The following TEK variants were observed in gnomAD, a reference collection of about 807,000 sequenced individuals.
TEK encodes the protein TEK receptor tyrosine kinase, also known as angiopoietin-1 receptor.
A neutral mutation model predicts 131.8 loss-of-function variants in TEK; 43 were observed. The observed-to-expected ratio is 0.33, with a 90% CI of 0.26 to 0.42. The LOEUF (loss-of-function observed/expected upper bound fraction) is 0.42, where lower values mean the gene tolerates loss of function less well. TEK is among the 10% of genes least tolerant of loss of function. TEK has a pLI of 1.00. For synonymous variants in TEK, 580 were observed against 491.6 expected, an observed-to-expected ratio of 1.18 and a Z score of -2.38; for missense variants, 1,162 against 1,384.4, an observed-to-expected ratio of 0.84 and a Z score of 2.55.
At chr9:27,220,443 C>CGTGTTG (rs1826015956) in intron 21 of TEK, among the ~76,000 whole-genome samples, 1 of 151,628 alleles carries the variant, frequency 6.6e-6, no homozygotes, top group African/African-American at 2.4e-5. Context: ...ACATACAACA[C>CGTGTTG]TATCCTTGGG....
intron 12 of TEK, among the ~76,000 whole-genome samples, chr9:27,198,804 G>A (rs1487360919): frequency 6.6e-6 from 1 of 152,152 alleles, no homozygotes; most frequent in Admixed American, 6.5e-5. Flanking sequence ...AATGTTGTAT[G>A]TATATATTTT....
At chr9:27,213,344 T>C in intron 17 of TEK, 140 bp from the exon 18 acceptor site, 1 of 647,388 alleles carries the variant, frequency 1.5e-6, no homozygotes, top group Non-Finnish European at 2.8e-6. Flanking sequence ...CAGGGAATTT[T>C]GGAGGGGAAC....
chr9:27,218,130 T>TTTGGGG (rs9298888), intron 19 of TEK, among the ~76,000 whole-genome samples: 26 of 139,508 alleles, frequency 1.9e-4, no homozygotes, highest in Non-Finnish European at 3.4e-4. Flanking sequence ...GGCCAGACAG[T>TTTGGGG]GGCGGGGGTC....
chr9:27,190,654 C>T lies in TEK; in HGVS notation c.1453C>T (p.Pro485Ser), dbSNP rs1217201158. The T allele has an allele frequency of 3.7e-6, 6 of 1,613,890 alleles. No homozygotes were observed. In the African/African-American group the frequency reaches 4.0e-5, roughly 11 times the overall value. The change falls in exon 10 of 23, where the codon CCC becomes TCC. Residue 485 changes from proline (P) to serine (S), a missense_variant. Physicochemically the swap from Pro to Ser is moderately conservative, Grantham distance 74. This residue lies in a region of TEK where 477 missense variants were observed against 471.0 expected (regional missense o/e 1.01). Coordinates refer to ENST00000380036, the MANE Select transcript of TEK (RefSeq NM_000459.5). ...PIKSKKLLYK[P>S]VNHYEAWQHI... ...CAAATCCAAGAAGCTTCTATACAAACCCGTTAATCACTATGAGGCTTGGCA... is the reference window on the plus strand; with the variant it reads ...CAAATCCAAGAAGCTTCTATACAAATCCGTTAATCACTATGAGGCTTGGCA...
chr9:27,180,048 C>T (rs1398208393), intron 6 of TEK, among the ~76,000 whole-genome samples, 192 bp from the exon 7 acceptor site: 1 of 152,106 alleles, frequency 6.6e-6, no homozygotes, highest in African/African-American at 2.4e-5. Context: ...ATGATAGGAG[C>T]TCATTCAACT....
chr9:27,217,483 C>T (rs959756501), intron 18 of TEK, among the ~76,000 whole-genome samples: 8 of 150,974 alleles, frequency 5.3e-5, no homozygotes, highest in Non-Finnish European at 1.0e-4. Context: ...ATTCATATAA[C>T]GCTGCTGGAC....
At chr9:27,148,380 A>C (rs1338522941) in intron 1 of TEK, among the ~76,000 whole-genome samples, 1 of 152,264 alleles carries the variant, frequency 6.6e-6, no homozygotes, top group South Asian at 2.1e-4. Context: ...GTAACAAGGC[A>C]TCCAAAACAT....
intron 21 of TEK, among the ~76,000 whole-genome samples, chr9:27,220,982 G>C (rs1281884089): frequency 6.6e-6 from 1 of 152,224 alleles, no homozygotes; most frequent in Admixed American, 6.5e-5. Flanking sequence ...AAGTGGTCTA[G>C]CTCAGTGGAG....
intron 1 of TEK, among the ~76,000 whole-genome samples, chr9:27,130,777 A>T (rs759773530): frequency 6.6e-6 from 1 of 152,048 alleles, no homozygotes; most frequent in Non-Finnish European, 1.5e-5. Flanking sequence ...GGATTTCAAC[A>T]TGTTGATCAG....
rs775381887 is a variant in TEK at position 27,202,987 on chromosome 9, A to G, written c.2077A>G (p.Thr693Ala). 2 of 1,614,024 alleles carry G rather than the reference A, an allele frequency of 1.2e-6. No individual in the cohort carries two copies. Among genetic ancestry groups the G allele is most frequent in the African/African-American group, 2.7e-5 (2 of 74,930 alleles). ...QHVDVKIKNA[T>A]ITQYQLKGLE... ...CGTTGATGTGAAGATAAAGAATGCC[A>G]CCATCACTCAGTATCAGCTCAAGGG... The change falls in exon 13 of 23, where the codon ACC becomes GCC. Residue 693 changes from threonine to alanine, a missense_variant. Coordinates refer to ENST00000380036, the MANE Select transcript of TEK (RefSeq NM_000459.5).
intron 9 of TEK, among the ~76,000 whole-genome samples, chr9:27,190,093 G>A (rs1824755865): frequency 6.6e-6 from 1 of 152,132 alleles, no homozygotes; most frequent in Admixed American, 6.6e-5. Flanking sequence ...AGCATTCCTT[G>A]CAGAAGAGAG....
intron 16 of TEK, among the ~76,000 whole-genome samples, chr9:27,211,144 AAT>A (rs1825600868): frequency 1.6e-5 from 2 of 121,896 alleles, no homozygotes; most frequent in Admixed American, 9.3e-5. Context: ...TATATATATG[AAT>A]ATATATGTAT....
intron 2 of TEK, among the ~76,000 whole-genome samples, chr9:27,164,511 G>T (rs1418584759): frequency 3.3e-5 from 5 of 151,994 alleles, no homozygotes; most frequent in Non-Finnish European, 7.4e-5. Context: ...AGTAGAGATG[G>T]AGTTTCAATG....
In TEK at chr9:27,228,186, T is replaced by G. The variant is rs761213420; in HGVS notation, c.3201-20T>G. 5 of 1,602,008 alleles carry G rather than the reference T, an allele frequency of 3.1e-6. No individual in the cohort carries two copies. Among genetic ancestry groups the G allele is most frequent in the Non-Finnish European group, 4.3e-6 (5 of 1,169,568 alleles). ...GAAGCACAGTTATAGAATTAACCCT[T>G]TAATTCTTTGCTTTCGAAGGTATGA... On this transcript the variant is annotated intron_variant, in intron 21 of 22. Transcript: ENST00000380036.
intron 21 of TEK, among the ~76,000 whole-genome samples, chr9:27,223,995 A>C (rs1485993330): frequency 6.6e-6 from 1 of 152,236 alleles, no homozygotes; most frequent in Non-Finnish European, 1.5e-5. Flanking sequence ...CTACGCAAAT[A>C]AACTAGAACA....
intron 21 of TEK, among the ~76,000 whole-genome samples, chr9:27,221,137 T>G (rs566721003): frequency 1.3e-5 from 2 of 152,198 alleles, no homozygotes; most frequent in South Asian, 4.1e-4. Context: ...CCCCTCACAA[T>G]GTAAAAAAAG....
chr9:27,162,722 CTT>C (rs879782441), intron 2 of TEK, among the ~76,000 whole-genome samples: 2 of 144,764 alleles, frequency 1.4e-5, no homozygotes, highest in Non-Finnish European at 3.1e-5. Context: ...TTTTTCTTTT[CTT>C]TTTTTTTTTT....
chr9:27,165,511 G>A (rs1290468031), intron 2 of TEK, among the ~76,000 whole-genome samples: 3 of 152,118 alleles, frequency 2.0e-5, no homozygotes, highest in Non-Finnish European at 2.9e-5. Flanking sequence ...CTGGAGAAAA[G>A]TGTCCCTCAT....
chr9:27,159,262 G>C (rs1052250705), intron 2 of TEK, among the ~76,000 whole-genome samples: 1 of 152,078 alleles, frequency 6.6e-6, no homozygotes, highest in Non-Finnish European at 1.5e-5. Context: ...CTATTTTTTT[G>C]TACCACTGCC....
Sources: gnomAD v4.1 joint callset for allele counts (sites outside exome capture counted in the v4.1 genomes callset) on GRCh38, gnomAD v4.1.1 for gene constraint, gnomAD v4.1.1 regional missense constraint, MANE v1.5 for transcripts, NCBI Gene and HGNC (gene_info 2026-07-23, HGNC 2026-07-21) for gene names.